HS6ST1: variants seen among roughly 807,000 people sequenced by gnomAD.
HS6ST1 encodes heparan-sulfate 6-O-sulfotransferase 1.
A neutral mutation model predicts 25.2 loss-of-function variants in HS6ST1; 3 were observed. The observed-to-expected ratio is 0.12, with a 90% CI of 0.05 to 0.31. The LOEUF is 0.31. Among genes scored for constraint, HS6ST1 ranks in the 10% least tolerant of loss-of-function variants. The pLI, the probability that HS6ST1 is intolerant of heterozygous loss-of-function variation, is 1.00. For missense variants in HS6ST1, 310 were observed against 609.6 expected (o/e 0.51, Z 5.18); for synonymous variants, 204 against 275.1 (o/e 0.74, Z 2.56).
At chr2:128,271,779 C>T (rs1039773539) in intron 1 of HS6ST1, among the ~76,000 whole-genome samples, 3 of 152,330 alleles carry the variant, frequency 2.0e-5, no homozygotes, top group Non-Finnish European at 2.9e-5. Context: ...ACGAGGGCCC[C>T]GATTGACCCG....
At chr2:128,316,181 G>A (rs184327290) in intron 1 of HS6ST1, among the ~76,000 whole-genome samples, 40 of 152,374 alleles carry the variant, frequency 2.6e-4, no homozygotes, top group African/African-American at 9.4e-4. Context: ...AGAGAAAGGA[G>A]GCCAAGGCTC....
At position 128,285,550 on chromosome 2, in the gene HS6ST1, C is replaced by T. The variant is rs573663160; in HGVS notation, c.528-16680G>A. Among the ~76,000 whole-genome samples the T allele has an allele frequency of 4.5e-4, 68 of 152,312 alleles. 1 individual carries two copies. The highest frequency in any genetic ancestry group is 1.5e-3 in the Admixed American group (23 of 15,306). On this transcript the variant is annotated intron_variant, in intron 1 of 1. Transcript: ENST00000259241. ...CTGCTACCCTGAGGACTCAGCTGCA[C>T]TGTGCAGGGAAGGTTCTAGGACCAG...
chr2:128,284,335 C>CCCACGTGTTG (rs1209670340), intron 1 of HS6ST1, among the ~76,000 whole-genome samples: 2 of 152,104 alleles, frequency 1.3e-5, no homozygotes, highest in African/African-American at 4.8e-5. Context: ...TTGCCTCCCT[C>CCCACGTGTTG]CCACCTGTTG....
At position 128,313,561 on chromosome 2, in the gene HS6ST1, G is replaced by A. The variant is rs563465798; in HGVS notation, c.527+4476C>T. On this transcript the variant is annotated intron_variant, in intron 1 of 1. Transcript: ENST00000259241. Reference sequence around the variant, plus strand: ...AATCATTATAACCACAACAAAGCGGGGTGTGAGAGCAAAAGCCTCCAACTC... The same window carrying A: ...AATCATTATAACCACAACAAAGCGGAGTGTGAGAGCAAAAGCCTCCAACTC... Among the ~76,000 whole-genome samples the A allele has an allele frequency of 5.7e-4, 87 of 152,238 alleles. 3 individuals are homozygous for A. The South Asian group carries it at 0.018, about 31-fold the overall frequency.
chr2:128,292,725 G>A (rs756627225), intron 1 of HS6ST1, among the ~76,000 whole-genome samples: 11 of 152,134 alleles, frequency 7.2e-5, no homozygotes, highest in Non-Finnish European at 1.0e-4. Flanking sequence ...CAGGGCAAAT[G>A]GCACGGGGGG....
rs1174387689 is a variant in HS6ST1, at chr2:128,266,870, G to A, written c.*1292C>T. ...GGATATGCAACATGGCTTTTGGTAG[G>A]GCCATTGCAGCCAGTGGGGAAACCT... On this transcript the variant is annotated 3_prime_UTR_variant, in exon 2 of 2. Transcript: ENST00000259241. 6.6e-6 allele frequency: 1 copy of A among 152,112 alleles called. No individual in the cohort carries two copies. The highest frequency in any genetic ancestry group is 2.4e-5 in the African/African-American group (1 of 41,322). The allele number at this position is 152,112 out of a possible 1,614,324, so 9.4% of individuals were successfully genotyped here.
At chr2:128,307,686 C>T (rs971163749) in intron 1 of HS6ST1, among the ~76,000 whole-genome samples, 1 of 152,238 alleles carries the variant, frequency 6.6e-6, no homozygotes, top group African/African-American at 2.4e-5. Flanking sequence ...ATCTCTCTGC[C>T]ATGGGGAAAC....
chr2:128,273,213 C>T (rs1288807517), intron 1 of HS6ST1, among the ~76,000 whole-genome samples: 8 of 152,326 alleles, frequency 5.3e-5, no homozygotes, highest in Admixed American at 3.3e-4. Context: ...AGGAGCTGAC[C>T]GAGGCCCCTG....
At chr2:128,314,311 C>T (rs1398797046) in intron 1 of HS6ST1, among the ~76,000 whole-genome samples, 1 of 152,146 alleles carries the variant, frequency 6.6e-6, no homozygotes, top group Non-Finnish European at 1.5e-5. Flanking sequence ...ACTCCGTGAA[C>T]CTGAGTCACA....
chr2:128,293,743 T>C (rs7576120), intron 1 of HS6ST1, among the ~76,000 whole-genome samples: 3,264 of 152,280 alleles, frequency 0.021, 129 homozygotes, highest in African/African-American at 0.075. Flanking sequence ...CGAGTTACAT[T>C]TATACCAAGC....
At chr2:128,309,357 T>G (rs1301222266) in intron 1 of HS6ST1, among the ~76,000 whole-genome samples, 1 of 152,258 alleles carries the variant, frequency 6.6e-6, no homozygotes, top group Non-Finnish European at 1.5e-5. Context: ...AGAGCTAGAA[T>G]GCAAACTGGG....
chr2:128,312,046 C>T, intron 1 of HS6ST1, among the ~76,000 whole-genome samples: 1 of 152,224 alleles, frequency 6.6e-6, no homozygotes, highest in East Asian at 1.9e-4. Flanking sequence ...GTGAAGGCTG[C>T]CAGGTGTCTT....
At chr2:128,285,692 C>G (rs897919702) in intron 1 of HS6ST1, among the ~76,000 whole-genome samples, 1 of 152,178 alleles carries the variant, frequency 6.6e-6, no homozygotes, top group Non-Finnish European at 1.5e-5. Flanking sequence ...CTGACTCCTG[C>G]CTGGGGGTCC....
intron 1 of HS6ST1, among the ~76,000 whole-genome samples, chr2:128,294,680 G>A (rs1694012822): frequency 1.8e-5 from 2 of 110,894 alleles, no homozygotes; most frequent in South Asian, 4.6e-4. Context: ...GCGTGTGTGT[G>A]TGTGTGTGTG....
rs1693519462 is a variant in HS6ST1 at position 128,266,648 on chromosome 2, GGAGA to G, written c.*1510_*1513del. On this transcript the variant is annotated 3_prime_UTR_variant, in exon 2 of 2. Transcript: ENST00000259241. Reference sequence around the variant, plus strand: ...TGGTGGCTGAGTGGAAGCTGGGGCAGGAGAGAGGACCCCCACCAACCCCAGCCAG... The same window carrying G: ...TGGTGGCTGAGTGGAAGCTGGGGCAGGAGGACCCCCACCAACCCCAGCCAG... The G allele has an allele frequency of 6.6e-6, 1 of 152,394 alleles. No individual in the cohort carries two copies. Among genetic ancestry groups the G allele is most frequent in the South Asian group, 2.1e-4 (1 of 4,832 alleles). The allele number at this position is 152,394 out of a possible 1,614,324, so 9.4% of individuals were successfully genotyped here. A position where few individuals can be genotyped will look rare whatever the true frequency, so the allele number is the denominator to read the frequency against.
intron 1 of HS6ST1, among the ~76,000 whole-genome samples, chr2:128,280,004 C>T (rs560207705): frequency 2.0e-5 from 3 of 152,332 alleles, no homozygotes; most frequent in Non-Finnish European, 4.4e-5. Context: ...CCGGGCCTCA[C>T]TGAGGCCTGG....
chr2:128,290,790 G>A (rs1331509998), intron 1 of HS6ST1, among the ~76,000 whole-genome samples: 1 of 130,056 alleles, frequency 7.7e-6, no homozygotes, highest in Non-Finnish European at 1.5e-5. Context: ...TTGCCAACAT[G>A]GCGAAACACC....
At position 128,318,835 on chromosome 2, in the gene HS6ST1, C is replaced by CCCGCT. The variant is rs1175457185; in HGVS notation, c.-277_-273dup. 6.8e-6 allele frequency among the ~76,000 whole-genome samples: 1 copy of CCCGCT among 147,896 alleles called. No homozygotes were observed. Among genetic ancestry groups the CCCGCT allele is most frequent in the Non-Finnish European group, 1.5e-5 (1 of 66,366 alleles). ...GCGCTCTCCGCGCCCCCAGCACCAG[C>CCCGCT]CCGCTCCGCTCCACTCCGCGCCGAG... On this transcript the variant is annotated 5_prime_UTR_variant, in exon 1 of 2. Coordinates refer to ENST00000259241, the MANE Select transcript of HS6ST1 (RefSeq NM_004807.3). This position sits in a 1 kb window ranked among gnomAD's most constrained non-coding sequence, Gnocchi z 5.7.
chr2:128,268,281 T>G lies in HS6ST1; in HGVS notation c.1117A>C (p.Arg373=). The G allele has an allele frequency of 1.9e-6, 3 of 1,612,704 alleles. No individual in the cohort carries two copies. The highest frequency in any genetic ancestry group is 2.5e-6 in the Non-Finnish European group (3 of 1,179,776). The change falls in exon 2 of 2, where the codon AGG becomes CGG. Residue 373 remains arginine (R), a synonymous_variant. Transcript: ENST00000259241. The part of the protein sequence containing the change: ...RQLERREQRL[R]SREERLLHRA... ...TGCAGCAGACGCTCCTCGCGGCTCC[T>G]CAGGCGCTGCTCCCTGCGCTCCAGC... is the stretch of plus-strand genomic sequence containing the variant.
Sources: gnomAD v4.1 joint callset for allele counts (sites outside exome capture counted in the v4.1 genomes callset) on GRCh38, gnomAD v4.1.1 for gene constraint, Gnocchi (gnomAD v3.1) non-coding constraint, MANE v1.5 for transcripts, NCBI Gene and HGNC (gene_info 2026-07-23, HGNC 2026-07-21) for gene names.